The following BIRC6 variants were observed in gnomAD, a reference collection of about 807,000 sequenced individuals.
BIRC6 encodes dual E2 ubiquitin-conjugating enzyme/E3 ubiquitin-protein ligase BIRC6.
Under a neutral mutation model 503.3 loss-of-function variants are expected in BIRC6, and 98 were observed. The ratio of observed to expected loss-of-function variants is 0.19; its 90% CI spans 0.17 to 0.23. The LOEUF (loss-of-function observed/expected upper bound fraction) is 0.23, where lower values mean the gene tolerates loss of function less well. Among genes scored for constraint, BIRC6 ranks in the 10% least tolerant of loss-of-function variants. The pLI, the probability that BIRC6 is intolerant of heterozygous loss-of-function variation, is 1.00. For synonymous variants in BIRC6, 2,240 were observed against 2,078.7 expected (o/e 1.08, Z -2.11); for missense variants, 5,360 against 5,806.0 (o/e 0.92, Z 2.50).
intron 1 of BIRC6, among the ~76,000 whole-genome samples, chr2:32,364,311 A>AAT (rs2034556144): frequency 6.6e-6 from 1 of 152,082 alleles, no homozygotes; most frequent in South Asian, 2.1e-4. Flanking sequence ...GCTGGAGTGC[A>AAT]ATGGCGCAGT....
chr2:32,408,255 A>G (rs889250975), intron 9 of BIRC6, among the ~76,000 whole-genome samples: 8 of 152,222 alleles, frequency 5.3e-5, no homozygotes, highest in African/African-American at 1.7e-4. Flanking sequence ...GGCGTGAGCC[A>G]CCGTGCCCGG....
At chr2:32,386,455 T>TC (rs2038483188) in intron 3 of BIRC6, among the ~76,000 whole-genome samples, 4 of 151,842 alleles carry the variant, frequency 2.6e-5, no homozygotes, top group Non-Finnish European at 5.9e-5. Context: ...TTTTTTTTTT[T>TC]TTTTCCAATA....
At chr2:32,412,932 A>T (rs566470757) in intron 9 of BIRC6, among the ~76,000 whole-genome samples, 1 of 151,858 alleles carries the variant, frequency 6.6e-6, no homozygotes, top group African/African-American at 2.4e-5. Flanking sequence ...ATATTTTTTA[A>T]CTCTTTAATC....
At chr2:32,400,794 ATAG>A (rs1219980496) in intron 6 of BIRC6, among the ~76,000 whole-genome samples, 3 of 152,230 alleles carry the variant, frequency 2.0e-5, no homozygotes, top group African/African-American at 4.8e-5. Context: ...AAATTGAAAC[ATAG>A]TAGTTAATCA....
chr2:32,480,619 G>A (rs1331640402), intron 37 of BIRC6, among the ~76,000 whole-genome samples: 5 of 100,316 alleles, frequency 5.0e-5, no homozygotes, highest in South Asian at 9.5e-4. Context: ...TAAGGTAAAT[G>A]GCTTTTTTTT....
intron 9 of BIRC6, among the ~76,000 whole-genome samples, chr2:32,408,325 G>A (rs1014090842): frequency 6.6e-6 from 1 of 151,826 alleles, no homozygotes; most frequent in African/African-American, 2.4e-5. Context: ...GGCCAGGCTG[G>A]TCTCGAGCTG....
chr2:32,616,486 G>A (rs1009877892), intron 73 of BIRC6, among the ~76,000 whole-genome samples: 2 of 151,468 alleles, frequency 1.3e-5, no homozygotes, highest in Non-Finnish European at 2.9e-5. Flanking sequence ...CTTGCGTCTG[G>A]GAGGTGGAGT....
chr2:32,545,539 T>C (rs1167377280), intron 62 of BIRC6, 104 bp from the exon 63 acceptor site: 2 of 921,700 alleles, frequency 2.2e-6, no homozygotes, highest in Non-Finnish European at 3.5e-6. Context: ...TTTAGTGGTA[T>C]ACTTTTGTAT....
chr2:32,380,167 A>G lies in BIRC6; in HGVS notation c.522A>G (p.Leu174=). 4 of 1,553,740 alleles carry G rather than the reference A, an allele frequency of 2.6e-6. No individual in the cohort carries two copies. Among genetic ancestry groups the G allele is most frequent in the Non-Finnish European group, 2.6e-6 (3 of 1,154,256 alleles). The change falls in exon 3 of 74, where the codon TTA becomes TTG. Residue 174 remains leucine, a synonymous_variant. Transcript: ENST00000421745. ...TTTTTATTTAGGCACAGCAGCTCTT[A>G]TCAGCATGTTTAGAAAAGGTAGATA... is the stretch of plus-strand genomic sequence containing the variant. ...ELPVTEAQQL[L]SACLEKVDIS...
Position 32,611,523 on chromosome 2 carries a change from C to T in BIRC6, c.14335C>T (p.Gln4779Ter), listed in dbSNP as rs775256072. ...TGAGGAGTGGATTGCGGATATCCAG[C>T]AGTACAGCAGTGATAAGCGGGTAGG... ...QCEEWIADIQQYSSDKRVGRT... is the reference protein window; with the variant it reads ...QCEEWIADIQ The change falls in exon 73 of 74, where the codon CAG becomes TAG. Residue 4779 changes from glutamine (Q) to a stop codon, truncating the protein, a stop_gained. Coordinates refer to ENST00000421745, the MANE Select transcript of BIRC6 (RefSeq NM_016252.4). LOFTEE classifies it high-confidence loss of function. 6.2e-7 allele frequency: 1 copy of T among 1,606,958 alleles called. No individual in the cohort carries two copies. Among genetic ancestry groups the T allele is most frequent in the Non-Finnish European group, 8.5e-7 (1 of 1,175,734 alleles).
chr2:32,599,389 C>T (rs2061897463), intron 69 of BIRC6, among the ~76,000 whole-genome samples: 1 of 151,242 alleles, frequency 6.6e-6, no homozygotes, highest in African/African-American at 2.4e-5. Context: ...CCCGTAATCC[C>T]AGTGCTTAGG....
intron 66 of BIRC6, among the ~76,000 whole-genome samples, chr2:32,583,844 C>T (rs2060851349): frequency 6.6e-6 from 1 of 152,158 alleles, no homozygotes; most frequent in South Asian, 2.1e-4. Flanking sequence ...GATTTTTCTA[C>T]CTCAGCCTCC....
At position 32,512,939 on chromosome 2, in the gene BIRC6, G is replaced by A; in HGVS notation, c.10353G>A (p.Gln3451=). The A allele has an allele frequency of 1.2e-6, 2 of 1,613,756 alleles. No homozygotes were observed. The highest frequency in any genetic ancestry group is 1.7e-6 in the Non-Finnish European group (2 of 1,179,800). The part of the protein sequence containing the change: ...TQDPGTKDRI[Q]ALLKWVSDSA... ...TTCGTTTTCTTCGTTTAAGAATTCA[G>A]GCCTTGTTAAAATGGGTTAGTGATT... The change falls in exon 54 of 74, where the codon CAG becomes CAA. Residue 3451 remains glutamine, a synonymous_variant. Transcript: ENST00000421745.
At chr2:32,559,315 G>A (rs1489421893) in intron 65 of BIRC6, among the ~76,000 whole-genome samples, 1 of 152,236 alleles carries the variant, frequency 6.6e-6, no homozygotes, top group African/African-American at 2.4e-5. Context: ...TGCATTTGGT[G>A]CTTGCTGAGT....
rs1313648858 is a variant in BIRC6 at position 32,415,657 on chromosome 2, C to T, written c.2366C>T (p.Ala789Val). Residue 789 changes from alanine (A) to valine (V), a missense_variant, in exon 10 of 74, where the codon GCT (alanine) becomes GTT (valine). Around this residue, in one of 16 missense-constraint regions of BIRC6, gnomAD observed 700 missense variants for 739.3 expected, o/e 0.95. Coordinates refer to ENST00000421745, the MANE Select transcript of BIRC6 (RefSeq NM_016252.4). Reference sequence around the variant, plus strand: ...AAAGGTGAGCTGGAATCAAATCTTGCTGTAGTGAATGGTGCAAATATTAGT... The same window carrying T: ...AAAGGTGAGCTGGAATCAAATCTTGTTGTAGTGAATGGTGCAAATATTAGT... ...RRKGELESNL[A>V]VVNGANISVI... 1 of 1,613,892 alleles carries T rather than the reference C, an allele frequency of 6.2e-7. No homozygotes were observed. Among genetic ancestry groups the T allele is most frequent in the Non-Finnish European group, 8.5e-7 (1 of 1,179,892 alleles).
rs149290532 is a variant in BIRC6 at position 32,515,830 on chromosome 2, T to G, written c.11349+60T>G. On this transcript the variant is annotated intron_variant, in intron 55 of 73. Coordinates refer to ENST00000421745, the MANE Select transcript of BIRC6 (RefSeq NM_016252.4). ...TTATTACATAAGAAAGGGCCATGTA[T>G]AAAGGCCAGGTAATAATAAATTTAG... 108 of 1,428,070 alleles carry G rather than the reference T, an allele frequency of 7.6e-5. No homozygotes were observed. In the African/African-American group the frequency reaches 1.4e-3, roughly 19 times the overall value. 88.5% of individuals were successfully genotyped at this position (1,428,070 alleles called of 1,614,324 possible). A position where few individuals can be genotyped will look rare whatever the true frequency, so the allele number is the denominator to read the frequency against.
intron 65 of BIRC6, among the ~76,000 whole-genome samples, chr2:32,569,506 C>G (rs2150920739): frequency 6.6e-6 from 1 of 152,132 alleles, no homozygotes; most frequent in Non-Finnish European, 1.5e-5. Context: ...GTAGCTGGGA[C>G]TACAGGAATG....
At chr2:32,520,381 T>C (rs1002727234) in intron 57 of BIRC6, among the ~76,000 whole-genome samples, 5 of 152,242 alleles carry the variant, frequency 3.3e-5, no homozygotes, top group Non-Finnish European at 5.9e-5. Flanking sequence ...CATACTGTTA[T>C]AAATATTAAA....
Position 32,439,413 on chromosome 2 carries a change from G to A in BIRC6, c.3632-95G>A, listed in dbSNP as rs1035549405. 3.3e-6 allele frequency: 4 copies of A among 1,227,974 alleles called. No homozygotes were observed. In the African/African-American group the frequency reaches 4.5e-5, roughly 14 times the overall value. The allele number at this position is 1,227,974 out of a possible 1,614,324, so 76.1% of individuals were successfully genotyped here. On this transcript the variant is annotated intron_variant, in intron 15 of 73. Transcript: ENST00000421745. Reference sequence around the variant, plus strand: ...AAAGTTCTGGCCTACTGTACTTTTTGTGGAGTTAGTTGTTGATCTTGTTCT... The same window carrying A: ...AAAGTTCTGGCCTACTGTACTTTTTATGGAGTTAGTTGTTGATCTTGTTCT...
Sources: allele counts gnomAD v4.1 joint callset (sites outside exome capture counted in the v4.1 genomes callset), GRCh38; gene constraint gnomAD v4.1.1; regional missense constraint gnomAD v4.1.1; transcripts MANE v1.5; gene names NCBI Gene and HGNC (gene_info 2026-07-23, HGNC 2026-07-21).